LPP: variants seen among roughly 807,000 people sequenced by gnomAD.
LPP encodes lipoma-preferred partner.
In LPP, 38 loss-of-function variants were observed where a neutral mutation model predicts 60.4. That is an observed-to-expected ratio of 0.63 (90% confidence interval 0.49 to 0.83). The LOEUF (loss-of-function observed/expected upper bound fraction) is 0.83. Among genes scored for constraint, LPP ranks in the 40% least tolerant of loss-of-function variants. LPP has a pLI of 0.00. For missense variants in LPP, 902 were observed against 783.6 expected, an observed-to-expected ratio of 1.15 and a Z score of -1.80; for synonymous variants, 328 against 290.8, an observed-to-expected ratio of 1.13 and a Z score of -1.30.
chr3:188,225,337 G>A (rs1717343282), intron 1 of LPP, 68 bp from the exon 2 acceptor site: 1 of 152,166 alleles, frequency 6.6e-6, no homozygotes, highest in Non-Finnish European at 1.5e-5. Context: ...GACTTTATAA[G>A]CCTGGGAATT....
At chr3:188,593,254 T>C (rs1839303072) in intron 6 of LPP, among the ~76,000 whole-genome samples, 1 of 151,826 alleles carries the variant, frequency 6.6e-6, no homozygotes, top group Non-Finnish European at 1.5e-5. Flanking sequence ...TCATGTTCCT[T>C]TATTTCTATA....
chr3:188,331,585 G>A (rs1760094166), intron 2 of LPP, among the ~76,000 whole-genome samples: 2 of 152,118 alleles, frequency 1.3e-5, no homozygotes, highest in South Asian at 2.1e-4. Context: ...TCCCCCATCT[G>A]CCTCCTTTCC....
intron 8 of LPP, among the ~76,000 whole-genome samples, chr3:188,719,911 T>TTTG (rs76873491): frequency 0.097 from 14,716 of 152,102 alleles, 899 homozygotes; most frequent in Middle Eastern, 0.15. Flanking sequence ...ATCTTGTTTT[T>TTTG]TTGTTGTTTT....
At chr3:188,728,588 A>G (rs1719261416) in intron 8 of LPP, among the ~76,000 whole-genome samples, 1 of 152,208 alleles carries the variant, frequency 6.6e-6, no homozygotes, top group Non-Finnish European at 1.5e-5. Context: ...GCTCATCAAT[A>G]TGGAATACAC....
chr3:188,651,880 A>G (rs1580705476), intron 7 of LPP, among the ~76,000 whole-genome samples: 1 of 152,108 alleles, frequency 6.6e-6, no homozygotes, highest in East Asian at 1.9e-4. Context: ...ACAGTTTCTA[A>G]AGTATTATCC....
chr3:188,570,276 T>C (rs928431766), intron 6 of LPP, among the ~76,000 whole-genome samples: 2 of 152,000 alleles, frequency 1.3e-5, no homozygotes, highest in African/African-American at 2.4e-5. Context: ...TTAAGCAATA[T>C]TGGAGAAAGA....
At chr3:188,862,853 T>C (rs1333735131) in intron 9 of LPP, among the ~76,000 whole-genome samples, 1 of 152,100 alleles carries the variant, frequency 6.6e-6, no homozygotes, top group Non-Finnish European at 1.5e-5. Context: ...TTCACTTATT[T>C]GCTTAAAGAC....
intron 4 of LPP, among the ~76,000 whole-genome samples, chr3:188,407,577 C>A (rs1171691467): frequency 6.6e-6 from 1 of 152,118 alleles, no homozygotes; most frequent in Non-Finnish European, 1.5e-5. Context: ...CTGTACTAAT[C>A]TCTGTAGCAC....
At chr3:188,791,767 C>T (rs187500384) in intron 9 of LPP, among the ~76,000 whole-genome samples, 80 of 152,226 alleles carry the variant, frequency 5.3e-4, no homozygotes, top group Non-Finnish European at 7.6e-4. Context: ...CACAAGATTG[C>T]GTTGTCCTGC....
intron 6 of LPP, among the ~76,000 whole-genome samples, chr3:188,559,855 A>G (rs1830285754): frequency 6.6e-6 from 1 of 152,090 alleles, no homozygotes; most frequent in Non-Finnish European, 1.5e-5. Flanking sequence ...CTGTTCCCCC[A>G]AACCGCTTTC....
At chr3:188,549,964 T>C (rs937011453) in intron 6 of LPP, among the ~76,000 whole-genome samples, 14 of 152,300 alleles carry the variant, frequency 9.2e-5, no homozygotes, top group African/African-American at 3.4e-4. Context: ...AAAGTATAGT[T>C]TGTGACCTCT....
intron 6 of LPP, among the ~76,000 whole-genome samples, chr3:188,532,164 T>A (rs891939078): frequency 1.3e-5 from 2 of 152,126 alleles, no homozygotes; most frequent in Non-Finnish European, 2.9e-5. Context: ...CCCAGCACTT[T>A]GGGAGGCTGA....
At chr3:188,248,407 C>T (rs1727779333) in intron 2 of LPP, among the ~76,000 whole-genome samples, 1 of 143,820 alleles carries the variant, frequency 7.0e-6, no homozygotes, top group South Asian at 2.2e-4. Flanking sequence ...AGATAACTGA[C>T]CTTTGTATTT....
intron 6 of LPP, among the ~76,000 whole-genome samples, chr3:188,538,552 G>T (rs1349661805): frequency 6.6e-6 from 1 of 152,170 alleles, no homozygotes; most frequent in Non-Finnish European, 1.5e-5. Context: ...TGGCAATGTG[G>T]TAGAGAAATT....
At chr3:188,366,879 T>TAA (rs1321359764) in intron 3 of LPP, among the ~76,000 whole-genome samples, 3 of 152,090 alleles carry the variant, frequency 2.0e-5, no homozygotes, top group African/African-American at 7.2e-5. Context: ...TCTCACTGTT[T>TAA]TGCTGCATTA....
chr3:188,845,748 A>C (rs895223480), intron 9 of LPP, among the ~76,000 whole-genome samples: 1 of 152,210 alleles, frequency 6.6e-6, no homozygotes, highest in African/African-American at 2.4e-5. Flanking sequence ...TTTCTGCCAG[A>C]GAATGACTCT....
intron 2 of LPP, among the ~76,000 whole-genome samples, chr3:188,315,549 C>G (rs1338507499): frequency 6.6e-6 from 1 of 151,880 alleles, no homozygotes; most frequent in African/African-American, 2.4e-5. Context: ...ATTTGTATGC[C>G]TTAAGTTTTG....
intron 9 of LPP, among the ~76,000 whole-genome samples, chr3:188,850,992 G>C (rs1762551159): frequency 1.3e-5 from 2 of 152,222 alleles, no homozygotes; most frequent in South Asian, 4.1e-4. Flanking sequence ...CAACAGATTT[G>C]TCTGGAGAGG....
chr3:188,299,850 G>A (rs554626645), intron 2 of LPP, among the ~76,000 whole-genome samples: 4 of 152,288 alleles, frequency 2.6e-5, no homozygotes, highest in African/African-American at 9.6e-5. Flanking sequence ...GTCACATTTC[G>A]AGTTATGAGC....
Sources: allele counts gnomAD v4.1 joint callset (sites outside exome capture counted in the v4.1 genomes callset), GRCh38; gene constraint gnomAD v4.1.1; transcripts MANE v1.5; gene names NCBI Gene and HGNC (gene_info 2026-07-23, HGNC 2026-07-21).